Variants in PLSCR4 observed in about 807,000 individuals in gnomAD.
The protein encoded by PLSCR4 is Ca(2+)-dependent phospholipid scramblase 4.
PLSCR4 carries 25 observed loss-of-function variants against 36.3 expected under a neutral mutation model. That is an observed-to-expected ratio of 0.69 (90% CI 0.50 to 0.96). PLSCR4 has a LOEUF of 0.96. PLSCR4 is among the 40% of genes least tolerant of loss of function. The pLI, the probability that PLSCR4 is intolerant of heterozygous loss-of-function variation, is 0.00. For missense variants in PLSCR4, 408 were observed against 414.7 expected (o/e 0.98, Z 0.14); for synonymous variants, 122 against 132.9 (o/e 0.92, Z 0.56).
At chr3:146,225,680 A>G (rs2035434598) in intron 1 of PLSCR4, among the ~76,000 whole-genome samples, 1 of 152,180 alleles carries the variant, frequency 6.6e-6, no homozygotes, top group African/African-American at 2.4e-5. Flanking sequence ...CCCAGGAGCT[A>G]AGTCCCTCAT....
intron 1 of PLSCR4, among the ~76,000 whole-genome samples, chr3:146,242,106 G>A (rs1170959202): frequency 1.3e-5 from 2 of 152,112 alleles, no homozygotes; most frequent in Non-Finnish European, 2.9e-5. Flanking sequence ...ATCACACCAT[G>A]ACCAAATAAA....
intron 1 of PLSCR4, among the ~76,000 whole-genome samples, chr3:146,241,858 A>G (rs2036163025): frequency 6.6e-6 from 1 of 152,260 alleles, no homozygotes; most frequent in East Asian, 1.9e-4. Context: ...TAACCGCAAG[A>G]TAACAGGAAA....
intron 3 of PLSCR4, among the ~76,000 whole-genome samples, chr3:146,207,601 C>T (rs1028617693): frequency 6.6e-6 from 1 of 151,898 alleles, no homozygotes; most frequent in African/African-American, 2.4e-5. Context: ...GGTATGAGTG[C>T]CATCATGAGG....
At chr3:146,233,107 T>G (rs1489726283) in intron 1 of PLSCR4, among the ~76,000 whole-genome samples, 1 of 152,140 alleles carries the variant, frequency 6.6e-6, no homozygotes, top group Non-Finnish European at 1.5e-5. Context: ...TTATCATTAG[T>G]GAATTTACAT....
chr3:146,235,740 C>G (rs2107834512), intron 1 of PLSCR4, among the ~76,000 whole-genome samples: 1 of 152,140 alleles, frequency 6.6e-6, no homozygotes, highest in Non-Finnish European at 1.5e-5. Flanking sequence ...ATTGTTGTGA[C>G]CAAATTGTTG....
chr3:146,247,882 A>G (rs2036401585), intron 1 of PLSCR4, among the ~76,000 whole-genome samples: 2 of 152,176 alleles, frequency 1.3e-5, no homozygotes, highest in Non-Finnish European at 2.9e-5. Flanking sequence ...CCTGCCTCTC[A>G]AAGTACTGTG....
intron 7 of PLSCR4, 84 bp downstream of exon 7, chr3:146,196,548 A>G (rs2033752070): frequency 6.1e-6 from 8 of 1,320,702 alleles, no homozygotes; most frequent in Non-Finnish European, 8.6e-6. Flanking sequence ...CACATTAAAA[A>G]AAAATGTCTA....
intron 4 of PLSCR4, among the ~76,000 whole-genome samples, chr3:146,204,668 A>C (rs1023232272): frequency 6.6e-6 from 1 of 152,024 alleles, no homozygotes; most frequent in African/African-American, 2.4e-5. Context: ...AACCTCTGTC[A>C]GAATCATAAA....
intron 1 of PLSCR4, among the ~76,000 whole-genome samples, chr3:146,225,672 C>A (rs570931223): frequency 0.35 from 53,229 of 152,038 alleles, 9,378 homozygotes; most frequent in Admixed American, 0.38. Flanking sequence ...GCCACTGGCC[C>A]AGGAGCTAAG....
rs868360147 is a variant in PLSCR4 at position 146,200,060 on chromosome 3, G to A, written c.398-21C>T. 2.2e-6 allele frequency: 3 copies of A among 1,350,144 alleles called. No homozygotes were observed. In the Middle Eastern group the frequency reaches 5.5e-4, roughly 248 times the overall value. The allele number at this position is 1,350,144 out of a possible 1,614,324, so 83.6% of individuals were successfully genotyped here. ...CATCACTAAAAAATAAAATGAGTAA[G>A]TCTATATTAGAAACATTTAAAATGG... On this transcript the variant is annotated intron_variant, in intron 5 of 8. Transcript: ENST00000354952.
rs192645771 is a variant in PLSCR4 at position 146,194,421 on chromosome 3, C to T, written c.980G>A (p.Arg327His). 97 of 1,607,796 alleles carry T rather than the reference C, an allele frequency of 6.0e-5. No individual in the cohort carries two copies. Among genetic ancestry groups the T allele is most frequent in the Middle Eastern group, 3.3e-4 (2 of 6,034 alleles). Residue 327 changes from arginine (R) to histidine (H), a missense_variant, in exon 9 of 9, where the codon CGT (arginine) becomes CAT (histidine). Arg to His is a conservative substitution (Grantham distance 29). Transcript: ENST00000354952. ...GCTTGCTGTGTCTCTCTATCTTGAA[C>T]GTTGTGGTGGAGATCTTTCAAAATA... is the stretch of plus-strand genomic sequence containing the variant. ...FMYFERSPPQ[R>H]SR
intron 1 of PLSCR4, among the ~76,000 whole-genome samples, chr3:146,223,957 A>T (rs1037288020): frequency 2.3e-5 from 3 of 127,900 alleles, no homozygotes; most frequent in Non-Finnish European, 3.3e-5. Context: ...ATAAATAATA[A>T]ATATTTATTT....
chr3:146,209,772 T>C (rs1244627233), intron 3 of PLSCR4, among the ~76,000 whole-genome samples: 1 of 152,152 alleles, frequency 6.6e-6, no homozygotes, highest in Non-Finnish European at 1.5e-5. Context: ...TAAGGTCTTG[T>C]AGCTCTAACT....
intron 2 of PLSCR4, among the ~76,000 whole-genome samples, chr3:146,221,679 G>A (rs1261753356): frequency 6.6e-6 from 1 of 152,078 alleles, no homozygotes; most frequent in Non-Finnish European, 1.5e-5. Context: ...TAAGTTACTA[G>A]AAAATACAAG....
intron 6 of PLSCR4, among the ~76,000 whole-genome samples, chr3:146,198,216 C>T (rs1345826941): frequency 6.6e-6 from 1 of 152,000 alleles, no homozygotes; most frequent in Non-Finnish European, 1.5e-5. Context: ...TAAAAGAGGA[C>T]TTTGGTGATG....
intron 1 of PLSCR4, among the ~76,000 whole-genome samples, chr3:146,225,999 G>T (rs749136362): frequency 6.6e-6 from 1 of 152,206 alleles, no homozygotes; most frequent in Non-Finnish European, 1.5e-5. Flanking sequence ...ATGATTCCAC[G>T]TAAGAATGTT....
chr3:146,196,066 A>G (rs138694744), intron 7 of PLSCR4, among the ~76,000 whole-genome samples: 174 of 152,318 alleles, frequency 1.1e-3, no homozygotes, highest in African/African-American at 3.4e-3. Flanking sequence ...AGGGTAATGA[A>G]CCAGCATTTT....
intron 1 of PLSCR4, among the ~76,000 whole-genome samples, chr3:146,248,965 T>C (rs9859273): frequency 0.69 from 105,291 of 152,022 alleles, 38,990 homozygotes; most frequent in Non-Finnish European, 0.82. Flanking sequence ...TTTGGATAAT[T>C]AGTGTGGCTA....
intron 1 of PLSCR4, chr3:146,222,557 A>C (rs1270537106): frequency 6.6e-6 from 1 of 152,428 alleles, no homozygotes; most frequent in Admixed American, 6.5e-5. Context: ...AAGATAGGAA[A>C]TTAGTGCAAA....
Sources: gnomAD v4.1 joint callset for allele counts (sites outside exome capture counted in the v4.1 genomes callset) on GRCh38, gnomAD v4.1.1 for gene constraint, MANE v1.5 for transcripts, NCBI Gene and HGNC (gene_info 2026-07-23, HGNC 2026-07-21) for gene names.